Variants in IRAK4 observed in about 807,000 individuals in gnomAD.
IRAK4 encodes interleukin 1 receptor associated kinase 4, also known as interleukin-1 receptor-associated kinase 4.
IRAK4 carries 44 observed loss-of-function variants against 51.8 expected under a neutral mutation model. The ratio of observed to expected loss-of-function variants is 0.85; its 90% CI spans 0.67 to 1.09. IRAK4 has a LOEUF of 1.09. Ranked by LOEUF, IRAK4 falls within the 50% of genes least tolerant of loss-of-function variation. The probability of loss-of-function intolerance (pLI) is 0.00; values close to 1 mark genes in which losing one functional copy is unlikely to be tolerated. For missense variants in IRAK4, 487 were observed against 538.0 expected (o/e 0.91, Z 0.94); for synonymous variants, 149 against 174.1 (o/e 0.86, Z 1.13).
At chr12:43,768,036 A>C (rs1940350661) in intron 1 of IRAK4, 67 bp from the exon 2 acceptor site, 1 of 1,161,180 alleles carries the variant, frequency 8.6e-7, no homozygotes, top group East Asian at 2.4e-5. Flanking sequence ...AAAGTGTGAT[A>C]TATAAGCTTA....
chr12:43,786,504 G>T lies in IRAK4; in HGVS notation c.1294G>T (p.Val432Phe). The T allele has an allele frequency of 6.2e-7, 1 of 1,613,466 alleles. No individual in the cohort carries two copies. Among genetic ancestry groups the T allele is most frequent in the Non-Finnish European group, 8.5e-7 (1 of 1,179,810 alleles). ...DSTSVEAMYS[V>F]ASQCLHEKKN... ...CACTTCAGTTGAAGCTATGTACTCT[G>T]TTGCTAGTCAATGTCTGCATGAAAA... The change falls in exon 11 of 12, where the codon GTT (valine) becomes TTT (phenylalanine). Residue 432 changes from valine (V) to phenylalanine (F), a missense_variant. Physicochemically the swap from Val to Phe is conservative, Grantham distance 50. Transcript: ENST00000613694.
Position 43,773,034 on chromosome 12 carries a change from G to C in IRAK4, c.613G>C (p.Val205Leu). 1 of 1,613,186 alleles carries C rather than the reference G, an allele frequency of 6.2e-7. No homozygotes were observed. Residue 205 changes from valine to leucine, a missense_variant, in exon 5 of 12, where the codon GTA becomes CTA. By Grantham distance (32) the Val-to-Leu change is conservative (BLOSUM62 1). Coordinates refer to ENST00000613694, the MANE Select transcript of IRAK4 (RefSeq NM_016123.4). ...ATTTGGAGTTGTATATAAAGGCTAC[G>C]TAAATAACACAACTGTGGCAGTGAA... ...GGFGVVYKGY[V>L]NNTTVAVKKL... is the part of the protein sequence containing the mutation.
At chr12:43,764,196 G>A (rs935020075) in intron 1 of IRAK4, among the ~76,000 whole-genome samples, 1 of 152,142 alleles carries the variant, frequency 6.6e-6, no homozygotes, top group Admixed American at 6.5e-5. Flanking sequence ...GGCCGAGGTG[G>A]GCAGATCACC....
intron 11 of IRAK4, 28 bp from the exon 12 acceptor site, chr12:43,786,649 GTTC>G (rs1186850167): frequency 6.2e-7 from 1 of 1,611,842 alleles, no homozygotes; most frequent in Admixed American, 1.7e-5. Context: ...GTATAATGTG[GTTC>G]TTTTGTTTTT....
chr12:43,776,734 ACT>A (rs1941310014), intron 6 of IRAK4, among the ~76,000 whole-genome samples: 1 of 152,128 alleles, frequency 6.6e-6, no homozygotes. Flanking sequence ...AGGATGTATA[ACT>A]CTGAGCCCTG....
At chr12:43,777,057 A>C (rs1941340710) in intron 6 of IRAK4, among the ~76,000 whole-genome samples, 1 of 152,212 alleles carries the variant, frequency 6.6e-6, no homozygotes, top group African/African-American at 2.4e-5. Flanking sequence ...ACTTATCACA[A>C]GTTCCAAAAA....
intron 8 of IRAK4, among the ~76,000 whole-genome samples, chr12:43,779,799 A>C (rs1486039621): frequency 6.6e-6 from 1 of 152,156 alleles, no homozygotes; most frequent in Non-Finnish European, 1.5e-5. Flanking sequence ...GGTGCTTTTA[A>C]GATGTAGTAG....
At position 43,773,992 on chromosome 12, in the gene IRAK4, A is replaced by T; in HGVS notation, c.679A>T (p.Lys227Ter). 6.2e-7 allele frequency: 1 copy of T among 1,609,790 alleles called. No individual in the cohort carries two copies. Among genetic ancestry groups the T allele is most frequent in the Non-Finnish European group, 8.5e-7 (1 of 1,176,956 alleles). Reference sequence around the variant, plus strand: ...GGTTGACATTACTACTGAAGAACTGAAACAGCAGTTTGATCAAGAAATAAA... The same window carrying T: ...GGTTGACATTACTACTGAAGAACTGTAACAGCAGTTTGATCAAGAAATAAA... ...AMVDITTEEL[K>*]QQFDQEIKVM... Residue 227 changes from lysine to a stop codon, truncating the protein, a stop_gained, in exon 6 of 12, where the codon AAA becomes TAA. Transcript: ENST00000613694. LOFTEE classifies it high-confidence loss of function.
At chr12:43,766,759 G>C in intron 1 of IRAK4, among the ~76,000 whole-genome samples, 1 of 152,120 alleles carries the variant, frequency 6.6e-6, no homozygotes, top group South Asian at 2.1e-4. Context: ...AAATAATTTA[G>C]TTGTTCCAAA....
intron 2 of IRAK4, among the ~76,000 whole-genome samples, chr12:43,770,645 T>G (rs1940654198): frequency 6.6e-6 from 1 of 152,220 alleles, no homozygotes; most frequent in Admixed American, 6.5e-5. Flanking sequence ...TCTCTGTAAT[T>G]CTTGCTGGTT....
intron 1 of IRAK4, among the ~76,000 whole-genome samples, chr12:43,766,138 T>C (rs1424176097): frequency 6.6e-6 from 1 of 152,208 alleles, no homozygotes; most frequent in Non-Finnish European, 1.5e-5. Flanking sequence ...ACTTTTAGTT[T>C]ATAAGTTCAA....
At chr12:43,776,235 T>A (rs186652591) in intron 6 of IRAK4, among the ~76,000 whole-genome samples, 8 of 152,176 alleles carry the variant, frequency 5.3e-5, no homozygotes, top group Admixed American at 5.2e-4. Context: ...CTTGGCCAAG[T>A]TTTTTAACTT....
At chr12:43,763,720 T>A (rs1200574144) in intron 1 of IRAK4, among the ~76,000 whole-genome samples, 1 of 142,250 alleles carries the variant, frequency 7.0e-6, no homozygotes, top group Non-Finnish European at 1.5e-5. Flanking sequence ...TTCCCTCCCC[T>A]CATACTCCTC....
chr12:43,788,149 A>G lies in IRAK4; in HGVS notation c.*1434A>G, dbSNP rs1942331307. On this transcript the variant is annotated 3_prime_UTR_variant, in exon 12 of 12. Coordinates refer to ENST00000613694, the MANE Select transcript of IRAK4 (RefSeq NM_016123.4). The stretch of plus-strand genomic sequence containing the variant: ...AGAAAACAAATACAGATACTCTCCC[A>G]TGATGTTTTTCCCATGATGATTTCC... The G allele has an allele frequency of 6.6e-6, 1 of 152,218 alleles. No homozygotes were observed. Among genetic ancestry groups the G allele is most frequent in the Non-Finnish European group, 1.5e-5 (1 of 68,066 alleles). The allele number at this position is 152,218 out of a possible 1,614,324, so 9.4% of individuals were successfully genotyped here. A position where few individuals can be genotyped will look rare whatever the true frequency, so the allele number is the denominator to read the frequency against.
chr12:43,759,016 G>A lies in IRAK4; in HGVS notation c.-10G>A, dbSNP rs1939112949. On this transcript the variant is annotated splice_region_variant and 5_prime_UTR_variant, in exon 1 of 12. Coordinates refer to ENST00000613694, the MANE Select transcript of IRAK4 (RefSeq NM_016123.4). ...GGCTTCAGCAGCCCGCGCCCGGGCAGGTAAGGCATTCCCCGCCTTAATGCC... is the reference window on the plus strand; with the variant it reads ...GGCTTCAGCAGCCCGCGCCCGGGCAAGTAAGGCATTCCCCGCCTTAATGCC... 6.6e-6 allele frequency: 1 copy of A among 152,202 alleles called. No individual in the cohort carries two copies. The highest frequency in any genetic ancestry group is 6.5e-5 in the Admixed American group (1 of 15,284). The allele number at this position is 152,202 out of a possible 1,614,324, so 9.4% of individuals were successfully genotyped here.
chr12:43,768,965 A>C (rs4251460), intron 2 of IRAK4, among the ~76,000 whole-genome samples: 35,220 of 152,154 alleles, frequency 0.23, 6,493 homozygotes, highest in African/African-American at 0.52. Flanking sequence ...AACCTAAAAG[A>C]CTTGGCTCCC....
intron 8 of IRAK4, among the ~76,000 whole-genome samples, chr12:43,780,801 C>T (rs895044972): frequency 2.0e-5 from 3 of 152,096 alleles, no homozygotes; most frequent in African/African-American, 7.2e-5. Context: ...GAACTCCCGA[C>T]CTCAGGTGAT....
chr12:43,775,698 A>T (rs1372098575), intron 6 of IRAK4, among the ~76,000 whole-genome samples: 1 of 152,188 alleles, frequency 6.6e-6, no homozygotes, highest in East Asian at 1.9e-4. Flanking sequence ...AAATGCAGTT[A>T]TACTTACTTT....
chr12:43,777,640 G>A lies in IRAK4; in HGVS notation c.727G>A (p.Glu243Lys). The change falls in exon 7 of 12, where the codon GAA becomes AAA. Residue 243 changes from glutamate to lysine, a missense_variant. Transcript: ENST00000613694. ...EIKVMAKCQH[E>K]NLVELLGFSS... ...AATTATTTGTCACAGGTGTCAACAT[G>A]AAAACTTAGTAGAACTACTTGGTTT... is the stretch of plus-strand genomic sequence containing the variant. 6.2e-7 allele frequency: 1 copy of A among 1,604,668 alleles called. No homozygotes were observed. The highest frequency in any genetic ancestry group is 8.5e-7 in the Non-Finnish European group (1 of 1,175,498).
Sources: gnomAD v4.1 joint callset for allele counts (sites outside exome capture counted in the v4.1 genomes callset) on GRCh38, gnomAD v4.1.1 for gene constraint, MANE v1.5 for transcripts, NCBI Gene and HGNC (gene_info 2026-07-23, HGNC 2026-07-21) for gene names.